The following SFMBT2 variants were observed in gnomAD, a reference collection of about 807,000 sequenced individuals.
SFMBT2 encodes scm-like with four MBT domains protein 2.
SFMBT2 carries 38 observed loss-of-function variants against 110.1 expected under a neutral mutation model. That is an observed-to-expected ratio of 0.35 (90% confidence interval 0.27 to 0.45). The LOEUF (loss-of-function observed/expected upper bound fraction) is 0.45, where lower values mean the gene tolerates loss of function less well. Among genes scored for constraint, SFMBT2 ranks in the 20% least tolerant of loss-of-function variants. The pLI, the probability that SFMBT2 is intolerant of heterozygous loss-of-function variation, is 1.00. For missense variants in SFMBT2, 1,011 were observed against 1,094.9 expected, an observed-to-expected ratio of 0.92 and a Z score of 1.08; for synonymous variants, 425 against 425.4, an observed-to-expected ratio of 1.00 and a Z score of 0.01.
At chr10:7,282,324 A>C (rs1841968325) in intron 6 of SFMBT2, among the ~76,000 whole-genome samples, 1 of 152,246 alleles carries the variant, frequency 6.6e-6, no homozygotes, top group African/African-American at 2.4e-5. Context: ...CCAGGAAAGA[A>C]ACATCACAGA....
chr10:7,321,362 C>T (rs947444203), intron 4 of SFMBT2, among the ~76,000 whole-genome samples: 6 of 152,090 alleles, frequency 3.9e-5, no homozygotes, highest in African/African-American at 9.7e-5. Context: ...CCAACACGCC[C>T]GGCTAATTTT....
chr10:7,170,851 G>A lies in SFMBT2; in HGVS notation c.2544+77C>T. The A allele has an allele frequency of 6.3e-7, 1 of 1,581,592 alleles. No individual in the cohort carries two copies. The highest frequency in any genetic ancestry group is 8.7e-7 in the Non-Finnish European group (1 of 1,155,666). ...ACCCCCTCGCAGGTGTCACGAGGAA[G>A]CCGGCTAGGACACGAGGTTCATTTC... On this transcript the variant is annotated intron_variant, in intron 20 of 20. Transcript: ENST00000397167. This position sits in a 1 kb window ranked among gnomAD's most constrained non-coding sequence, Gnocchi z 4.6.
intron 4 of SFMBT2, among the ~76,000 whole-genome samples, chr10:7,315,489 A>C (rs773041488): frequency 1.1e-4 from 17 of 152,186 alleles, no homozygotes; most frequent in Non-Finnish European, 1.9e-4. Flanking sequence ...TCAGACAAGA[A>C]CTATTCCACC....
intron 15 of SFMBT2, among the ~76,000 whole-genome samples, chr10:7,193,232 GC>G (rs1473155747): frequency 1.3e-5 from 2 of 152,170 alleles, no homozygotes; most frequent in Non-Finnish European, 2.9e-5. Context: ...CAAGTGGAGA[GC>G]CCCTGCCTGC....
chr10:7,220,201 A>T (rs1361911988), intron 11 of SFMBT2, among the ~76,000 whole-genome samples: 2 of 152,200 alleles, frequency 1.3e-5, no homozygotes, highest in African/African-American at 4.8e-5. Flanking sequence ...CCAGCATCTC[A>T]TTGCATGAAA....
chr10:7,393,030 T>C (rs1397293400), intron 1 of SFMBT2, among the ~76,000 whole-genome samples: 1 of 56,102 alleles, frequency 1.8e-5, no homozygotes, highest in Non-Finnish European at 3.1e-5. Flanking sequence ...TATATATATA[T>C]ATATAATTTT....
intron 4 of SFMBT2, among the ~76,000 whole-genome samples, chr10:7,366,817 G>C (rs1311266904): frequency 6.6e-6 from 1 of 152,186 alleles, no homozygotes; most frequent in Admixed American, 6.5e-5. Flanking sequence ...GTAATTATTG[G>C]TTATGGGGCT....
chr10:7,184,158 C>A (rs778455764), intron 16 of SFMBT2, among the ~76,000 whole-genome samples: 20 of 152,086 alleles, frequency 1.3e-4, no homozygotes, highest in Non-Finnish European at 2.5e-4. Context: ...TGATAAAATG[C>A]CAAAAAAATC....
At chr10:7,258,987 A>G (rs1297442862) in intron 7 of SFMBT2, among the ~76,000 whole-genome samples, 1 of 152,224 alleles carries the variant, frequency 6.6e-6, no homozygotes, top group African/African-American at 2.4e-5. Flanking sequence ...CATTCAATCA[A>G]GTTAAAAAAT....
intron 11 of SFMBT2, among the ~76,000 whole-genome samples, chr10:7,219,209 T>C (rs1419067183): frequency 1.3e-5 from 2 of 152,220 alleles, no homozygotes; most frequent in Non-Finnish European, 2.9e-5. Context: ...AATAAAGCCA[T>C]GTTCTATTCC....
chr10:7,295,609 A>T (rs1204278360), intron 4 of SFMBT2, among the ~76,000 whole-genome samples: 1 of 152,258 alleles, frequency 6.6e-6, no homozygotes, highest in Non-Finnish European at 1.5e-5. Context: ...GCATTCACAA[A>T]TGTACTGCCA....
chr10:7,224,806 T>C (rs565879103), intron 10 of SFMBT2, among the ~76,000 whole-genome samples: 4 of 152,362 alleles, frequency 2.6e-5, no homozygotes, highest in Admixed American at 1.3e-4. Context: ...TATAGATTTA[T>C]ATACTTATGG....
intron 4 of SFMBT2, among the ~76,000 whole-genome samples, chr10:7,322,499 T>C (rs1843223425): frequency 1.3e-5 from 2 of 152,172 alleles, no homozygotes. Flanking sequence ...ATGACTGCCC[T>C]ATATACAGGC....
At chr10:7,241,845 C>G (rs1420920648) in intron 9 of SFMBT2, among the ~76,000 whole-genome samples, 1 of 152,136 alleles carries the variant, frequency 6.6e-6, no homozygotes, top group Non-Finnish European at 1.5e-5. Context: ...ATGGAGTGAT[C>G]AAGCAGCCAA....
intron 11 of SFMBT2, among the ~76,000 whole-genome samples, chr10:7,213,052 G>A (rs1048010731): frequency 2.6e-5 from 4 of 152,054 alleles, no homozygotes; most frequent in African/African-American, 9.7e-5. Flanking sequence ...GACACAGGGA[G>A]GGGAGCATCA....
intron 10 of SFMBT2, among the ~76,000 whole-genome samples, chr10:7,225,200 C>A (rs949517293): frequency 6.6e-6 from 1 of 152,176 alleles, no homozygotes; most frequent in African/African-American, 2.4e-5. Flanking sequence ...AACCACATAA[C>A]CTATTTTCAT....
intron 7 of SFMBT2, chr10:7,264,012 CTG>C (rs1841303521): frequency 8.2e-6 from 2 of 242,436 alleles, no homozygotes; most frequent in South Asian, 3.0e-4. Context: ...TAAGAAAACA[CTG>C]AAAAAAAGCA....
At position 7,370,374 on chromosome 10, in the gene SFMBT2, T is replaced by A; in HGVS notation, c.102A>T (p.Glu34Asp). Residue 34 changes from glutamate to aspartate, a missense_variant and splice_region_variant, in exon 3 of 21, where the codon GAA (glutamate) becomes GAT (aspartate). By Grantham distance (45) the Glu-to-Asp change is conservative. Transcript: ENST00000397167. ...CAGTTTCCTCCAAGCTTGAGCCTTC[T>A]TCTGTTGAAAAACAAAAGAACAGAA... Reference protein sequence around the residue: ...SANGNGDLDSEEGSSLEETGF... With the variant: ...SANGNGDLDSDEGSSLEETGF... The A allele has an allele frequency of 1.2e-6, 2 of 1,613,906 alleles. No homozygotes were observed. Among genetic ancestry groups the A allele is most frequent in the Non-Finnish European group, 1.7e-6 (2 of 1,179,810 alleles).
At chr10:7,384,029 G>A (rs920646217) in intron 1 of SFMBT2, among the ~76,000 whole-genome samples, 2 of 151,728 alleles carry the variant, frequency 1.3e-5, no homozygotes, top group South Asian at 2.1e-4. Flanking sequence ...TGACCAATAC[G>A]GTGAAAGCCC....
Sources: gnomAD v4.1 joint callset for allele counts (sites outside exome capture counted in the v4.1 genomes callset) on GRCh38, gnomAD v4.1.1 for gene constraint, Gnocchi (gnomAD v3.1) non-coding constraint, MANE v1.5 for transcripts, NCBI Gene and HGNC (gene_info 2026-07-23, HGNC 2026-07-21) for gene names.